PCMTD1: variants seen among roughly 807,000 people sequenced by gnomAD.
The protein encoded by PCMTD1 is protein-L-isoaspartate (D-aspartate) O-methyltransferase domain containing 1, also known as protein-L-isoaspartate O-methyltransferase domain-containing protein 1.
A neutral mutation model predicts 37.6 loss-of-function variants in PCMTD1; 12 were observed. The observed-to-expected ratio is 0.32, with a 90% confidence interval of 0.20 to 0.52. The LOEUF is 0.52. PCMTD1 is among the 20% of genes least tolerant of loss of function. The pLI, the probability that PCMTD1 is intolerant of heterozygous loss-of-function variation, is 0.97. For missense variants in PCMTD1, 235 were observed against 421.3 expected (o/e 0.56, Z 3.87); for synonymous variants, 117 against 135.8 (o/e 0.86, Z 0.96).
At chr8:51,863,871 G>A (rs922289258) in intron 1 of PCMTD1, among the ~76,000 whole-genome samples, 17 of 151,056 alleles carry the variant, frequency 1.1e-4, no homozygotes, top group Non-Finnish European at 2.1e-4. Flanking sequence ...AGATTGCAGT[G>A]AGCTGAGTTT....
chr8:51,899,095 C>T (rs2039059382), upstream of PCMTD1: 1 of 1,472,924 alleles, frequency 6.8e-7, no homozygotes, highest in African/African-American at 1.5e-5. Flanking sequence ...ACTCCGGAGC[C>T]GCCGGGGTCC....
Position 51,860,471 on chromosome 8 carries a change from T to G in PCMTD1, c.307+374A>C, listed in dbSNP as rs1396960213. The G allele has an allele frequency of 1.8e-5, 3 of 168,432 alleles. No individual in the cohort carries two copies. In the East Asian group the frequency reaches 4.9e-4, roughly 27 times the overall value. 10.4% of individuals were successfully genotyped at this position (168,432 alleles called of 1,614,324 possible). The stretch of plus-strand genomic sequence containing the variant: ...ACATCTTATATATCCCACATTCTCC[T>G]GTCTCTCTTAACAAAAACCTGGCAC... On this transcript the variant is annotated intron_variant, in intron 2 of 5. Coordinates refer to ENST00000522514, the MANE Select transcript of PCMTD1 (RefSeq NM_052937.4).
At chr8:51,842,796 G>C (rs1277618344) in intron 3 of PCMTD1, among the ~76,000 whole-genome samples, 1 of 151,624 alleles carries the variant, frequency 6.6e-6, no homozygotes, top group Admixed American at 6.6e-5. Flanking sequence ...TTTTGAAAAG[G>C]GGACTGATTA....
intron 1 of PCMTD1, among the ~76,000 whole-genome samples, chr8:51,881,957 C>T (rs1209962582): frequency 6.6e-6 from 1 of 152,238 alleles, no homozygotes; most frequent in Non-Finnish European, 1.5e-5. Context: ...CATTAAGTCT[C>T]TACCTAGAAA....
At chr8:51,853,159 G>A (rs1056043824) in intron 2 of PCMTD1, among the ~76,000 whole-genome samples, 2 of 152,156 alleles carry the variant, frequency 1.3e-5, no homozygotes, top group Non-Finnish European at 2.9e-5. Context: ...ATTTATAAAC[G>A]TAACACACAG....
chr8:51,862,268 G>A (rs930705545), intron 1 of PCMTD1, among the ~76,000 whole-genome samples: 2 of 151,980 alleles, frequency 1.3e-5, no homozygotes, highest in Non-Finnish European at 2.9e-5. Flanking sequence ...TGTGCTGATT[G>A]TTTTGTTTAG....
At chr8:51,855,714 G>A (rs763665022) in intron 2 of PCMTD1, among the ~76,000 whole-genome samples, 4 of 151,846 alleles carry the variant, frequency 2.6e-5, no homozygotes, top group African/African-American at 7.3e-5. Context: ...GCCCAGGCTG[G>A]AGTGCAGTGG....
chr8:51,874,853 T>G (rs2038689991), intron 1 of PCMTD1, among the ~76,000 whole-genome samples: 1 of 152,184 alleles, frequency 6.6e-6, no homozygotes, highest in Non-Finnish European at 1.5e-5. Flanking sequence ...GGAACTATAA[T>G]AAGTATGAGG....
intron 1 of PCMTD1, among the ~76,000 whole-genome samples, chr8:51,872,447 T>C (rs10094042): frequency 0.51 from 77,140 of 152,012 alleles, 23,677 homozygotes; most frequent in Non-Finnish European, 0.68. Flanking sequence ...TTAAAATATA[T>C]ATCCTTATGG....
intron 1 of PCMTD1, among the ~76,000 whole-genome samples, chr8:51,874,789 A>T (rs2038689130): frequency 6.6e-6 from 1 of 152,320 alleles, no homozygotes; most frequent in African/African-American, 2.4e-5. Context: ...AAAAGATTTC[A>T]TGTGATGTTT....
chr8:51,822,782 A>C (rs561384109), intron 5 of PCMTD1, among the ~76,000 whole-genome samples: 1 of 152,284 alleles, frequency 6.6e-6, no homozygotes, highest in African/African-American at 2.4e-5. Flanking sequence ...GAGTAGAAGA[A>C]AGCACCCAGA....
At chr8:51,895,736 T>C (rs531111213) in intron 1 of PCMTD1, among the ~76,000 whole-genome samples, 1 of 152,252 alleles carries the variant, frequency 6.6e-6, no homozygotes, top group East Asian at 1.9e-4. Context: ...GTCACCTAAT[T>C]ATAAAACCCA....
intron 2 of PCMTD1, 53 bp downstream of exon 2, chr8:51,860,792 A>G: frequency 2.1e-6 from 3 of 1,406,472 alleles, no homozygotes; most frequent in South Asian, 2.8e-5. Context: ...ATCATAAACC[A>G]TAATACAAAA....
intron 1 of PCMTD1, among the ~76,000 whole-genome samples, chr8:51,882,521 AC>A (rs1373604604): frequency 6.6e-6 from 1 of 152,016 alleles, no homozygotes; most frequent in African/African-American, 2.4e-5. Flanking sequence ...CCTGTTTCCC[AC>A]CCACTTGACT....
intron 2 of PCMTD1, among the ~76,000 whole-genome samples, chr8:51,852,092 TACTAG>T (rs2129283462): frequency 6.6e-6 from 1 of 152,316 alleles, no homozygotes; most frequent in East Asian, 1.9e-4. Flanking sequence ...AATAAATATT[TACTAG>T]ACTAAATGAA....
At chr8:51,871,971 T>C (rs1034211969) in intron 1 of PCMTD1, among the ~76,000 whole-genome samples, 1 of 152,230 alleles carries the variant, frequency 6.6e-6, no homozygotes, top group Non-Finnish European at 1.5e-5. Flanking sequence ...TATTCACAGA[T>C]GTAGCTTCCA....
intron 5 of PCMTD1, among the ~76,000 whole-genome samples, chr8:51,828,963 C>T (rs1375892861): frequency 6.6e-6 from 1 of 152,080 alleles, no homozygotes; most frequent in Non-Finnish European, 1.5e-5. Flanking sequence ...TCTTATTTTA[C>T]CTTTCATTTT....
chr8:51,822,672 A>G (rs1440460445), intron 5 of PCMTD1, among the ~76,000 whole-genome samples: 4 of 152,174 alleles, frequency 2.6e-5, no homozygotes, highest in Non-Finnish European at 5.9e-5. Flanking sequence ...CTTTCCCACC[A>G]TAAGCCACCA....
chr8:51,822,690 A>C (rs1159821660), intron 5 of PCMTD1, among the ~76,000 whole-genome samples: 1 of 152,202 alleles, frequency 6.6e-6, no homozygotes, highest in Non-Finnish European at 1.5e-5. Context: ...CCATAAGATT[A>C]TGACTCTGGA....
Sources: allele counts gnomAD v4.1 joint callset (sites outside exome capture counted in the v4.1 genomes callset), GRCh38; gene constraint gnomAD v4.1.1; transcripts MANE v1.5; gene names NCBI Gene and HGNC (gene_info 2026-07-23, HGNC 2026-07-21).